COLGALT2: variants seen among roughly 807,000 people sequenced by gnomAD.
The protein encoded by COLGALT2 is collagen beta(1-O)galactosyltransferase 2.
In COLGALT2, 49 loss-of-function variants were observed where a neutral mutation model predicts 73.4. The observed-to-expected ratio is 0.67, with a 90% CI of 0.53 to 0.85. The LOEUF is 0.85. Ranked by LOEUF, COLGALT2 falls within the 40% of genes least tolerant of loss-of-function variation. The probability of loss-of-function intolerance (pLI) is 0.00; values close to 1 mark genes in which losing one functional copy is unlikely to be tolerated. For synonymous variants in COLGALT2, 295 were observed against 307.6 expected (o/e 0.96, Z 0.43); for missense variants, 722 against 790.2 (o/e 0.91, Z 1.03).
At chr1:183,935,033 G>A (rs927091374), downstream of COLGALT2, among the ~76,000 whole-genome samples, 29 of 152,134 alleles carry the variant, frequency 1.9e-4, no homozygotes, top group Non-Finnish European at 1.5e-5. Context: ...TAACTCTTCT[G>A]CCCTACTGAG....
At chr1:183,944,008 T>C (rs563699141) in intron 10 of COLGALT2, among the ~76,000 whole-genome samples, 188 bp downstream of exon 10, 9 of 152,130 alleles carry the variant, frequency 5.9e-5, no homozygotes, top group African/African-American at 1.9e-4. Context: ...CCCTGAAGAG[T>C]AGAAGGATGC....
chr1:183,965,202 C>T (rs1451555724), intron 5 of COLGALT2, among the ~76,000 whole-genome samples: 1 of 152,132 alleles, frequency 6.6e-6, no homozygotes, highest in Non-Finnish European at 1.5e-5. Context: ...TTCTGGGGAG[C>T]TTCAAAGTGC....
chr1:184,037,215 G>T lies in COLGALT2; in HGVS notation c.143C>A (p.Ser48Ter). ...GAGCACCGTGGGGCTCTGCAGGGGC[G>T]ACTCCGGGAAAACCACCGGCTCCTC... Reference protein sequence around the residue: ...DGEEPVVFPESPLQSPTVLVA... With the variant: ...DGEEPVVFPE Residue 48 changes from serine (S) to a stop codon, truncating the protein, a stop_gained, in exon 1 of 12, where the codon TCG becomes TAG. Coordinates refer to ENST00000361927, the MANE Select transcript of COLGALT2 (RefSeq NM_015101.4). LOFTEE classifies it high-confidence loss of function. 3 of 1,602,350 alleles carry T rather than the reference G, an allele frequency of 1.9e-6. No homozygotes were observed. Among genetic ancestry groups the T allele is most frequent in the Non-Finnish European group, 2.6e-6 (3 of 1,176,092 alleles).
intron 1 of COLGALT2, among the ~76,000 whole-genome samples, chr1:183,989,972 G>T (rs1010053652): frequency 3.9e-5 from 6 of 152,258 alleles, no homozygotes; most frequent in Admixed American, 6.5e-5. Context: ...TAAGAAATAA[G>T]ACAGCTTGTT....
downstream of COLGALT2, among the ~76,000 whole-genome samples, chr1:183,933,330 G>A (rs776491694): frequency 5.3e-5 from 8 of 152,140 alleles, no homozygotes; most frequent in Non-Finnish European, 7.3e-5. Flanking sequence ...TGTGTGGTGC[G>A]CTAGAAGCTG....
intron 1 of COLGALT2, among the ~76,000 whole-genome samples, chr1:184,022,454 A>G (rs776086556): frequency 6.6e-6 from 1 of 152,226 alleles, no homozygotes; most frequent in Non-Finnish European, 1.5e-5. Context: ...AAATGGAGCC[A>G]AACAAACGAT....
At chr1:183,953,307 G>A (rs926668019) in intron 7 of COLGALT2, among the ~76,000 whole-genome samples, 6 of 152,242 alleles carry the variant, frequency 3.9e-5, no homozygotes, top group East Asian at 3.9e-4. Flanking sequence ...ATACGGAGAG[G>A]TGACTAACCT....
At chr1:183,949,530 A>C (rs966218934) in intron 8 of COLGALT2, among the ~76,000 whole-genome samples, 2 of 152,226 alleles carry the variant, frequency 1.3e-5, no homozygotes, top group Non-Finnish European at 2.9e-5. Flanking sequence ...AACCATGTGC[A>C]AAAGAATGAA....
intron 1 of COLGALT2, among the ~76,000 whole-genome samples, chr1:183,997,758 A>G (rs561990526): frequency 6.6e-6 from 1 of 152,340 alleles, no homozygotes; most frequent in African/African-American, 2.4e-5. Context: ...TTTGAACTTT[A>G]TATAAATAGA....
At chr1:184,023,648 G>C (rs778278650) in intron 1 of COLGALT2, among the ~76,000 whole-genome samples, 12 of 143,228 alleles carry the variant, frequency 8.4e-5, no homozygotes, top group Admixed American at 2.7e-4. Context: ...TGAGGTGGGG[G>C]GGGGGGGCGG....
chr1:183,982,006 C>T (rs995555136), intron 1 of COLGALT2, among the ~76,000 whole-genome samples: 2 of 151,548 alleles, frequency 1.3e-5, no homozygotes, highest in Non-Finnish European at 2.9e-5. Context: ...TAAATTAAAA[C>T]TAGCCTACTT....
intron 8 of COLGALT2, chr1:183,946,261 C>A (rs1018411230): frequency 6.6e-6 from 1 of 152,202 alleles, no homozygotes; most frequent in African/African-American, 2.4e-5. Flanking sequence ...GTTTGAGAAG[C>A]ATTATCAGCT....
chr1:183,956,741 A>C (rs916215744), intron 6 of COLGALT2, among the ~76,000 whole-genome samples: 3 of 151,158 alleles, frequency 2.0e-5, no homozygotes, highest in Non-Finnish European at 4.4e-5. Flanking sequence ...CAAGTGTTGC[A>C]AAAAAAAAGC....
intron 3 of COLGALT2, among the ~76,000 whole-genome samples, chr1:183,974,237 C>G (rs1262141327): frequency 1.3e-5 from 2 of 152,176 alleles, no homozygotes; most frequent in African/African-American, 4.8e-5. Context: ...TCAACCCATG[C>G]TAACCAGTGA....
At chr1:184,001,694 G>A (rs1378598179) in intron 1 of COLGALT2, among the ~76,000 whole-genome samples, 4 of 152,136 alleles carry the variant, frequency 2.6e-5, no homozygotes, top group Non-Finnish European at 4.4e-5. Flanking sequence ...ATTTTCCCCA[G>A]CACATTCGTG....
intron 1 of COLGALT2, among the ~76,000 whole-genome samples, chr1:184,011,723 C>T (rs551015413): frequency 2.6e-5 from 4 of 152,224 alleles, no homozygotes; most frequent in African/African-American, 4.8e-5. Flanking sequence ...GCAGCTCTCT[C>T]GGCTGCCTAC....
chr1:184,018,681 T>C (rs978773508), intron 1 of COLGALT2, among the ~76,000 whole-genome samples: 6 of 152,228 alleles, frequency 3.9e-5, no homozygotes, highest in Admixed American at 1.3e-4. Flanking sequence ...TAGGTAATAC[T>C]GCACAAAATA....
In COLGALT2 at chr1:183,938,555, G is replaced by A. The variant is rs764876719; in HGVS notation, c.*206C>T. The A allele has an allele frequency of 1.2e-4, 173 of 1,411,904 alleles. No homozygotes were observed. The highest frequency in any genetic ancestry group is 1.4e-4 in the Non-Finnish European group (152 of 1,086,454). 87.5% of individuals were successfully genotyped at this position (1,411,904 alleles called of 1,614,324 possible). A position where few individuals can be genotyped will look rare whatever the true frequency, so the allele number is the denominator to read the frequency against. ...TTTCCAAAAAACCTGTCTTTCAGCC[G>A]TCTTGGGAAATTTGGGTTGAATTTC... On this transcript the variant is annotated 3_prime_UTR_variant, in exon 12 of 12. Coordinates refer to ENST00000361927, the MANE Select transcript of COLGALT2 (RefSeq NM_015101.4).
chr1:183,981,727 T>C (rs919976658), intron 1 of COLGALT2, among the ~76,000 whole-genome samples: 26 of 152,312 alleles, frequency 1.7e-4, no homozygotes, highest in Middle Eastern at 3.4e-3. Context: ...TAGTTTTTAA[T>C]TGGTTTTAAA....
Sources: gnomAD v4.1 joint callset for allele counts (sites outside exome capture counted in the v4.1 genomes callset) on GRCh38, gnomAD v4.1.1 for gene constraint, MANE v1.5 for transcripts, NCBI Gene and HGNC (gene_info 2026-07-23, HGNC 2026-07-21) for gene names.